The following CRACDL variants were observed in gnomAD, a reference collection of about 807,000 sequenced individuals.
CRACDL encodes the protein CRACD like.
CRACDL carries 26 observed loss-of-function variants against 70.6 expected under a neutral mutation model. That is an observed-to-expected ratio of 0.37 (90% confidence interval 0.27 to 0.51). The LOEUF (loss-of-function observed/expected upper bound fraction) is 0.51, where lower values mean the gene tolerates loss of function less well. Among genes scored for constraint, CRACDL ranks in the 20% least tolerant of loss-of-function variants. The pLI is 0.94. For synonymous variants in CRACDL, 618 were observed against 615.2 expected (o/e 1.00, Z -0.07); for missense variants, 1,283 against 1,376.9 (o/e 0.93, Z 1.08).
Position 98,936,065 on chromosome 2 carries a change from A to AGCAGGTGGCCGCGCGGCCT in CRACDL, c.-157_-139dup, listed in dbSNP as rs1327510093. ...CCCCAGCCCAAAGCCGGGGCGACGCAGCAGGTGGCCGCGCGGCCTCCAGAC... is the reference window on the plus strand; with the variant it reads ...CCCCAGCCCAAAGCCGGGGCGACGCAGCAGGTGGCCGCGCGGCCTGCAGGTGGCCGCGCGGCCTCCAGAC... On this transcript the variant is annotated 5_prime_UTR_variant, in exon 1 of 10. Transcript: ENST00000397899. 2.0e-4 allele frequency: 30 copies of AGCAGGTGGCCGCGCGGCCT among 151,914 alleles called. No homozygotes were observed. Among genetic ancestry groups the AGCAGGTGGCCGCGCGGCCT allele is most frequent in the Admixed American group, 3.9e-4 (6 of 15,270 alleles). The allele number at this position is 151,914 out of a possible 1,614,324, so 9.4% of individuals were successfully genotyped here.
intron 1 of CRACDL, among the ~76,000 whole-genome samples, chr2:98,851,911 C>T (rs1706497163): frequency 6.6e-6 from 1 of 152,042 alleles, no homozygotes; most frequent in Admixed American, 6.5e-5. Flanking sequence ...ATCAACTCTT[C>T]TTTTCTTTTT....
intron 3 of CRACDL, among the ~76,000 whole-genome samples, chr2:98,834,491 G>A (rs1338137914): frequency 6.6e-6 from 1 of 152,160 alleles, no homozygotes; most frequent in Non-Finnish European, 1.5e-5. Flanking sequence ...CAGCATGTCA[G>A]CACTGCATGG....
intron 7 of CRACDL, among the ~76,000 whole-genome samples, chr2:98,809,216 G>T (rs1016999459): frequency 1.3e-5 from 2 of 152,150 alleles, no homozygotes; most frequent in Non-Finnish European, 2.9e-5. Context: ...GGGGAAGAAG[G>T]AGAGTAGGGA....
At chr2:98,850,792 C>T (rs1302168142) in intron 1 of CRACDL, among the ~76,000 whole-genome samples, 1 of 152,202 alleles carries the variant, frequency 6.6e-6, no homozygotes, top group Non-Finnish European at 1.5e-5. Context: ...TCTAAAAAGA[C>T]CCCTTAATGT....
In CRACDL at chr2:98,822,991, G is replaced by T; in HGVS notation, c.1282C>A (p.Arg428Ser). The T allele has an allele frequency of 6.7e-7, 1 of 1,493,090 alleles. No individual in the cohort carries two copies. The highest frequency in any genetic ancestry group is 1.3e-5 in the South Asian group (1 of 78,824). 92.5% of individuals were successfully genotyped at this position (1,493,090 alleles called of 1,614,324 possible). Residue 428 changes from arginine (R) to serine (S), a missense_variant, in exon 7 of 10, where the codon CGC becomes AGC. Physicochemically the swap from Arg to Ser is moderately radical, Grantham distance 110. Around this residue, in one of 2 missense-constraint regions of CRACDL, gnomAD observed 921 missense variants for 881.9 expected, o/e 1.04. Transcript: ENST00000397899. This position sits in a 1 kb window ranked among gnomAD's most constrained non-coding sequence, Gnocchi z 4.9. ...PAATSEAPSA[R>S]DGPERSVPKE... ...GGGACACTGCGTTCTGGCCCGTCGC[G>T]AGCAGAGGGCGCCTCTGAGGTGGCG...
intron 7 of CRACDL, among the ~76,000 whole-genome samples, chr2:98,803,773 C>T (rs943299331): frequency 6.6e-6 from 1 of 152,228 alleles, no homozygotes; most frequent in African/African-American, 2.4e-5. Flanking sequence ...GCCAGCTGTG[C>T]TAGAACAGTC....
chr2:98,873,345 A>C (rs1707400681), intron 1 of CRACDL, among the ~76,000 whole-genome samples: 1 of 152,228 alleles, frequency 6.6e-6, no homozygotes, highest in Non-Finnish European at 1.5e-5. Context: ...ACTTGAGAGC[A>C]ACCAAGCTGC....
rs1705610416 is a variant in CRACDL, at chr2:98,832,989, C to G, written c.248G>C (p.Arg83Thr). The change falls in exon 4 of 10, where the codon AGG becomes ACG. Residue 83 changes from arginine to threonine, a missense_variant. Physicochemically the swap from Arg to Thr is moderately conservative, Grantham distance 71. This residue lies in a region of CRACDL where 362 missense variants were observed against 495.0 expected (regional missense o/e 0.73). Transcript: ENST00000397899. ...AAGGGCCCGGCTGCCCAGCGTGCCCCTCGACTCCCTAGGATAAAAGAGCCA... is the reference window on the plus strand; with the variant it reads ...AAGGGCCCGGCTGCCCAGCGTGCCCGTCGACTCCCTAGGATAAAAGAGCCA... ...YDSEDELEES[R>T]GTLGSRALSH... 6.2e-7 allele frequency: 1 copy of G among 1,612,546 alleles called. No homozygotes were observed. Among genetic ancestry groups the G allele is most frequent in the Non-Finnish European group, 8.5e-7 (1 of 1,179,292 alleles).
At chr2:98,830,474 T>A (rs1705494615) in intron 5 of CRACDL, among the ~76,000 whole-genome samples, 1 of 152,214 alleles carries the variant, frequency 6.6e-6, no homozygotes, top group African/African-American at 2.4e-5. Context: ...AAGCCCATTT[T>A]AAAGGGTGTG....
intron 5 of CRACDL, among the ~76,000 whole-genome samples, chr2:98,828,057 C>G: frequency 6.6e-6 from 1 of 152,222 alleles, no homozygotes; most frequent in East Asian, 1.9e-4. Flanking sequence ...CACGGAAGAA[C>G]TGATAGCAAA....
intron 1 of CRACDL, among the ~76,000 whole-genome samples, chr2:98,857,212 A>G (rs1262440539): frequency 2.6e-5 from 4 of 152,354 alleles, no homozygotes; most frequent in African/African-American, 9.6e-5. Context: ...GAGTAAGAAA[A>G]TGACATCAGA....
At chr2:98,848,657 C>A (rs567152743) in intron 1 of CRACDL, among the ~76,000 whole-genome samples, 1 of 152,334 alleles carries the variant, frequency 6.6e-6, no homozygotes, top group Admixed American at 6.5e-5. Flanking sequence ...ATTTTTAGCT[C>A]ACTGCATCCT....
At chr2:98,917,137 T>C (rs1245729447) in intron 1 of CRACDL, among the ~76,000 whole-genome samples, 1 of 152,196 alleles carries the variant, frequency 6.6e-6, no homozygotes, top group African/African-American at 2.4e-5. Context: ...GATCATGAAG[T>C]TCCCTCATTC....
At chr2:98,863,591 A>T (rs539087582) in intron 1 of CRACDL, among the ~76,000 whole-genome samples, 1 of 152,346 alleles carries the variant, frequency 6.6e-6, no homozygotes, top group Non-Finnish European at 1.5e-5. Flanking sequence ...AAAGAGGTAC[A>T]GGCTTTTAAA....
chr2:98,869,095 G>A, intron 1 of CRACDL: 1 of 1,304,228 alleles, frequency 7.7e-7, no homozygotes, highest in Non-Finnish European at 1.0e-6. Context: ...CAGGCCTGAT[G>A]CACTGGTAAA....
intron 1 of CRACDL, among the ~76,000 whole-genome samples, chr2:98,871,485 G>A (rs548997745): frequency 6.6e-6 from 1 of 152,182 alleles, no homozygotes. Flanking sequence ...TGGAATGTCC[G>A]ACCCTGAAAT....
chr2:98,815,638 G>T (rs2104447441), intron 7 of CRACDL, among the ~76,000 whole-genome samples: 1 of 152,314 alleles, frequency 6.6e-6, no homozygotes, highest in African/African-American at 2.4e-5. Flanking sequence ...AGAGTCAAAA[G>T]AGCTCTGACC....
chr2:98,826,916 C>T (rs796066759), intron 6 of CRACDL, 59 bp downstream of exon 6: 1 of 1,154,234 alleles, frequency 8.7e-7, no homozygotes, highest in Non-Finnish European at 1.2e-6. Flanking sequence ...TGGGGGGGGG[C>T]ATAGGGGGGT....
chr2:98,899,674 G>A (rs1157443719), intron 1 of CRACDL, among the ~76,000 whole-genome samples: 1 of 152,266 alleles, frequency 6.6e-6, no homozygotes, highest in Non-Finnish European at 1.5e-5. Context: ...TGAGAGAAAA[G>A]GGCTGAAAGG....
Sources: gnomAD v4.1 joint callset for allele counts (sites outside exome capture counted in the v4.1 genomes callset) on GRCh38, gnomAD v4.1.1 for gene constraint, gnomAD v4.1.1 regional missense constraint, Gnocchi (gnomAD v3.1) non-coding constraint, MANE v1.5 for transcripts, NCBI Gene and HGNC (gene_info 2026-07-23, HGNC 2026-07-21) for gene names.